Variants in LAMA2 observed in about 807,000 individuals in gnomAD.
LAMA2 encodes the protein laminin subunit alpha 2.
In LAMA2, 269 loss-of-function variants were observed where a neutral mutation model predicts 364.8. The ratio of observed to expected loss-of-function variants is 0.74; its 90% confidence interval spans 0.67 to 0.82. The LOEUF is 0.82. Ranked by LOEUF, LAMA2 falls within the 40% of genes least tolerant of loss-of-function variation. The pLI is 0.00. For synonymous variants in LAMA2, 1,379 were observed against 1,370.6 expected (o/e 1.01, Z -0.14); for missense variants, 3,807 against 3,873.2 (o/e 0.98, Z 0.45).
chr6:128,963,510 C>T (rs928601627), intron 1 of LAMA2, among the ~76,000 whole-genome samples: 21 of 147,076 alleles, frequency 1.4e-4, no homozygotes, highest in African/African-American at 5.1e-4. Flanking sequence ...GTGAAATTCA[C>T]TGAGTATTTT....
At chr6:129,292,258 A>G (rs1056106061) in intron 20 of LAMA2, among the ~76,000 whole-genome samples, 22 of 152,204 alleles carry the variant, frequency 1.4e-4, no homozygotes, top group African/African-American at 5.3e-4. Flanking sequence ...AGGCGGGAGA[A>G]TCGCTTGAAC....
chr6:129,451,180 A>T (rs908766221), intron 45 of LAMA2, among the ~76,000 whole-genome samples: 18 of 152,186 alleles, frequency 1.2e-4, no homozygotes, highest in Non-Finnish European at 2.5e-4. Context: ...CATCCAAGTA[A>T]AAATTGTACA....
rs532845503 is a variant in LAMA2 at position 129,032,302 on chromosome 6, G to A, written c.113-17616G>A. ...CATTTAAAATTATACCTTGTAATCA[G>A]TGCTATGCAAGAAAAATAAGGCAGA... On this transcript the variant is annotated intron_variant, in intron 1 of 64. Coordinates refer to ENST00000421865, the MANE Select transcript of LAMA2 (RefSeq NM_000426.4). Among the ~76,000 whole-genome samples the A allele has an allele frequency of 9.2e-5, 14 of 152,314 alleles. No homozygotes were observed. The South Asian group carries it at 2.7e-3, about 29-fold the overall frequency.
chr6:129,035,108 A>G (rs868451243), intron 1 of LAMA2, among the ~76,000 whole-genome samples: 5 of 152,070 alleles, frequency 3.3e-5, no homozygotes, highest in Non-Finnish European at 5.9e-5. Flanking sequence ...CCAGCAGCGT[A>G]TAAGCATTCC....
chr6:128,909,798 T>G (rs1015035971), intron 1 of LAMA2, among the ~76,000 whole-genome samples: 5 of 150,850 alleles, frequency 3.3e-5, no homozygotes, highest in South Asian at 2.1e-4. Context: ...CCATGTTTAG[T>G]GCTTCCTTCA....
At chr6:129,214,436 T>G (rs1305931143) in intron 12 of LAMA2, among the ~76,000 whole-genome samples, 1 of 152,170 alleles carries the variant, frequency 6.6e-6, no homozygotes, top group Non-Finnish European at 1.5e-5. Context: ...ATCACCCCAT[T>G]AGGAACCAAA....
chr6:128,892,845 A>T (rs963013193), intron 1 of LAMA2, among the ~76,000 whole-genome samples: 3 of 152,030 alleles, frequency 2.0e-5, no homozygotes, highest in Admixed American at 6.6e-5. Flanking sequence ...ATCTACTATT[A>T]AAAAAACCAC....
chr6:128,911,458 C>A (rs534773530), intron 1 of LAMA2, among the ~76,000 whole-genome samples: 2 of 151,944 alleles, frequency 1.3e-5, no homozygotes, highest in South Asian at 2.1e-4. Flanking sequence ...TGACCCCTTG[C>A]GCTTCCCGAG....
At chr6:129,374,040 G>A (rs1361001995) in intron 34 of LAMA2, among the ~76,000 whole-genome samples, 1 of 152,176 alleles carries the variant, frequency 6.6e-6, no homozygotes, top group Non-Finnish European at 1.5e-5. Flanking sequence ...TTGATGGGTT[G>A]AGAAGGGGGA....
Position 129,320,598 on chromosome 6 carries a change from A to G in LAMA2, c.4119A>G (p.Pro1373=), listed in dbSNP as rs1774907785. The G allele has an allele frequency of 6.2e-7, 1 of 1,613,876 alleles. No individual in the cohort carries two copies. The highest frequency in any genetic ancestry group is 8.5e-7 in the Non-Finnish European group (1 of 1,179,784). Residue 1373 remains proline (P), a synonymous_variant, in exon 28 of 65, where the codon CCA becomes CCG. Transcript: ENST00000421865. ...EQGRGTTMTP[P]ADLIEKCDCP... is the part of the protein sequence containing the mutation. ...GACGTGGAACAACAATGACTCCTCC[A>G]GCTGACTTGATTGAAAAATGTGATT...
chr6:129,291,508 C>A, intron 19 of LAMA2, 106 bp from the exon 20 acceptor site: 1 of 792,038 alleles, frequency 1.3e-6, no homozygotes, highest in Non-Finnish European at 2.2e-6. Context: ...CATTCTGTTA[C>A]TGAACTTAGG....
chr6:129,477,051 C>T (rs1018542549), intron 53 of LAMA2, among the ~76,000 whole-genome samples: 1 of 152,134 alleles, frequency 6.6e-6, no homozygotes, highest in Non-Finnish European at 1.5e-5. Context: ...TTAATCATCA[C>T]CCTATCAACT....
intron 32 of LAMA2, among the ~76,000 whole-genome samples, chr6:129,364,915 C>T (rs1777674770): frequency 6.6e-6 from 1 of 152,180 alleles, no homozygotes; most frequent in African/African-American, 2.4e-5. Flanking sequence ...TTCACACAGG[C>T]AGAGCAGGAG....
chr6:129,212,926 C>T (rs1022341003), intron 12 of LAMA2, among the ~76,000 whole-genome samples: 1 of 152,118 alleles, frequency 6.6e-6, no homozygotes, highest in Non-Finnish European at 1.5e-5. Flanking sequence ...TTATGATGTC[C>T]TAGAGGTGGC....
intron 1 of LAMA2, among the ~76,000 whole-genome samples, chr6:129,027,890 C>T (rs890079221): frequency 2.0e-5 from 3 of 151,592 alleles, no homozygotes; most frequent in Non-Finnish European, 3.0e-5. Flanking sequence ...TTATGATATA[C>T]TATACTTGAA....
chr6:129,157,356 G>A (rs1217666644), intron 8 of LAMA2, among the ~76,000 whole-genome samples: 1 of 152,192 alleles, frequency 6.6e-6, no homozygotes. Context: ...TTCCCAGCTT[G>A]TATCCTAATA....
At chr6:129,276,437 C>T (rs1054033465) in intron 17 of LAMA2, among the ~76,000 whole-genome samples, 1 of 151,992 alleles carries the variant, frequency 6.6e-6, no homozygotes, top group Admixed American at 6.6e-5. Context: ...CAGTTAAAGA[C>T]ACACAAAATA....
chr6:129,461,743 C>T (rs369307945), intron 49 of LAMA2, among the ~76,000 whole-genome samples: 2 of 151,944 alleles, frequency 1.3e-5, no homozygotes, highest in Admixed American at 1.3e-4. Flanking sequence ...AAGTATTATG[C>T]TAATTTATGA....
chr6:129,054,696 TTAAA>T (rs1346952655), intron 2 of LAMA2, among the ~76,000 whole-genome samples: 1 of 148,386 alleles, frequency 6.7e-6, no homozygotes. Flanking sequence ...TTATATAATA[TTAAA>T]TAAATTTATA....
Sources: allele counts gnomAD v4.1 joint callset (sites outside exome capture counted in the v4.1 genomes callset), GRCh38; gene constraint gnomAD v4.1.1; transcripts MANE v1.5; gene names NCBI Gene and HGNC (gene_info 2026-07-23, HGNC 2026-07-21).